Variants in ABCC4 observed in about 807,000 individuals in gnomAD.
ABCC4 encodes ATP-binding cassette sub-family C member 4.
Under a neutral mutation model 168.5 loss-of-function variants are expected in ABCC4, and 102 were observed. That is an observed-to-expected ratio of 0.61 (90% CI 0.52 to 0.71). The LOEUF is 0.71. Among genes scored for constraint, ABCC4 ranks in the 30% least tolerant of loss-of-function variants. The pLI is 0.00. For synonymous variants in ABCC4, 617 were observed against 590.7 expected (o/e 1.04, Z -0.65); for missense variants, 1,402 against 1,605.8 (o/e 0.87, Z 2.17).
chr13:95,200,356 G>GT (rs1301132598), intron 8 of ABCC4, among the ~76,000 whole-genome samples: 1 of 152,188 alleles, frequency 6.6e-6, no homozygotes, highest in African/African-American at 2.4e-5. Context: ...GACCTCATGC[G>GT]TTTTTTTATC....
intron 10 of ABCC4, among the ~76,000 whole-genome samples, chr13:95,187,980 G>A (rs1010302594): frequency 6.6e-6 from 1 of 152,168 alleles, no homozygotes; most frequent in African/African-American, 2.4e-5. Context: ...GATTACAGGT[G>A]TATCTTTTAC....
chr13:95,260,786 CT>C (rs2040512708), intron 1 of ABCC4, among the ~76,000 whole-genome samples: 1 of 151,994 alleles, frequency 6.6e-6, no homozygotes, highest in Non-Finnish European at 1.5e-5. Context: ...TGTTTTTAAG[CT>C]ACTTTGTATA....
intron 8 of ABCC4, among the ~76,000 whole-genome samples, chr13:95,200,166 G>GC (rs2038582875): frequency 6.6e-6 from 1 of 152,192 alleles, no homozygotes; most frequent in Non-Finnish European, 1.5e-5. Context: ...ATTTATCACA[G>GC]TGCCAGCTTA....
At chr13:95,157,088 C>CCACACACACACA (rs67671921) in intron 19 of ABCC4, among the ~76,000 whole-genome samples, 1,469 of 134,674 alleles carry the variant, frequency 0.011, 23 homozygotes, top group African/African-American at 0.026. Flanking sequence ...TGAGACTCTA[C>CCACACACACACA]CACACACACA....
At chr13:95,277,362 C>T (rs935235018) in intron 1 of ABCC4, among the ~76,000 whole-genome samples, 2 of 152,056 alleles carry the variant, frequency 1.3e-5, no homozygotes, top group Non-Finnish European at 2.9e-5. Flanking sequence ...GGGTGGATCA[C>T]CTGAGTTCAG....
chr13:95,219,574 G>A (rs569157602), intron 4 of ABCC4, among the ~76,000 whole-genome samples: 2 of 152,182 alleles, frequency 1.3e-5, no homozygotes, highest in East Asian at 1.9e-4. Flanking sequence ...TGGCATGATC[G>A]CAGCTCACTG....
intron 21 of ABCC4, among the ~76,000 whole-genome samples, chr13:95,078,609 C>T (rs7997349): frequency 0.014 from 2,157 of 152,194 alleles, 65 homozygotes; most frequent in African/African-American, 0.049. Flanking sequence ...CTTTTCTGCA[C>T]GCCCCAGATG....
At chr13:95,064,590 T>C (rs1019983201) in intron 25 of ABCC4, among the ~76,000 whole-genome samples, 12 of 151,896 alleles carry the variant, frequency 7.9e-5, no homozygotes, top group African/African-American at 2.7e-4. Flanking sequence ...ACAAATGCTG[T>C]GTTTTTGAGA....
chr13:95,290,757 T>C (rs555658598), intron 1 of ABCC4, among the ~76,000 whole-genome samples: 67 of 139,480 alleles, frequency 4.8e-4, no homozygotes, highest in African/African-American at 1.7e-3. Context: ...CCAGGCACAG[T>C]AGCATCGCGC....
At chr13:95,225,468 G>A (rs373683402) in intron 4 of ABCC4, among the ~76,000 whole-genome samples, 1 of 152,068 alleles carries the variant, frequency 6.6e-6, no homozygotes, top group African/African-American at 2.4e-5. Flanking sequence ...TCAGGAGTTC[G>A]AGACCTGCCT....
intron 19 of ABCC4, among the ~76,000 whole-genome samples, chr13:95,130,023 C>T (rs556844936): frequency 1.3e-5 from 2 of 149,218 alleles, no homozygotes; most frequent in Non-Finnish European, 3.0e-5. Context: ...TGCAGTGAGC[C>T]GAGATCACAC....
At chr13:95,217,030 C>G (rs115789275) in intron 4 of ABCC4, among the ~76,000 whole-genome samples, 10,000 of 152,250 alleles carry the variant, frequency 0.066, 683 homozygotes, top group African/African-American at 0.17. Flanking sequence ...ACTCTAGAAT[C>G]CGCATGCCAT....
At chr13:95,084,503 C>A (rs2034194638) in intron 20 of ABCC4, among the ~76,000 whole-genome samples, 1 of 152,048 alleles carries the variant, frequency 6.6e-6, no homozygotes, top group Admixed American at 6.6e-5. Flanking sequence ...TTTAAAAGAC[C>A]TGAGACTTTT....
In ABCC4 at chr13:95,163,214, G is replaced by C; in HGVS notation, c.2216C>G (p.Ala739Gly). The part of the protein sequence containing the change: ...VLQDWWLSYW[A>G]NKQSMLNVTV... ...GACATTTAGCATACTTTGTTTGTTT[G>C]CCCTATGGAACATGGGGAGAAAAAA... Residue 739 changes from alanine (A) to glycine (G), a missense_variant and splice_region_variant, in exon 18 of 31, where the codon GCA becomes GGA. Physicochemically the swap from Ala to Gly is moderately conservative, Grantham distance 60 (BLOSUM62 0). This residue lies in a region of ABCC4 where 1,007 missense variants were observed against 1,127.3 expected (regional missense o/e 0.89). Transcript: ENST00000645237. 6.2e-7 allele frequency: 1 copy of C among 1,604,002 alleles called. No individual in the cohort carries two copies.
intron 4 of ABCC4, among the ~76,000 whole-genome samples, chr13:95,223,589 C>T (rs2039365833): frequency 6.6e-6 from 1 of 152,186 alleles, no homozygotes; most frequent in Non-Finnish European, 1.5e-5. Context: ...GCAACCTCTG[C>T]CTCCCGGGTT....
At chr13:95,227,980 G>A (rs1407439266) in intron 4 of ABCC4, among the ~76,000 whole-genome samples, 2 of 152,194 alleles carry the variant, frequency 1.3e-5, no homozygotes, top group African/African-American at 4.8e-5. Flanking sequence ...ATAGTGTTGG[G>A]ATTACAGGTG....
chr13:95,060,929 C>T (rs370380255), intron 26 of ABCC4, among the ~76,000 whole-genome samples: 5 of 152,236 alleles, frequency 3.3e-5, no homozygotes, highest in Non-Finnish European at 5.9e-5. Flanking sequence ...CCCCTGGTGA[C>T]GACGCTTCTC....
intron 1 of ABCC4, among the ~76,000 whole-genome samples, chr13:95,289,492 G>A (rs1299580993): frequency 2.0e-5 from 3 of 152,170 alleles, no homozygotes; most frequent in Non-Finnish European, 2.9e-5. Flanking sequence ...CACAAGAGCA[G>A]AGCCACCCTC....
At chr13:95,223,418 A>ACC (rs5805911) in intron 4 of ABCC4, among the ~76,000 whole-genome samples, 3 of 151,902 alleles carry the variant, frequency 2.0e-5, no homozygotes, top group Non-Finnish European at 4.4e-5. Flanking sequence ...GTATAAATGT[A>ACC]CAATGGGTTA....
Sources: allele counts gnomAD v4.1 joint callset (sites outside exome capture counted in the v4.1 genomes callset), GRCh38; gene constraint gnomAD v4.1.1; regional missense constraint gnomAD v4.1.1; transcripts MANE v1.5; gene names NCBI Gene and HGNC (gene_info 2026-07-23, HGNC 2026-07-21).